STXBP4: variants seen among roughly 807,000 people sequenced by gnomAD.
STXBP4 encodes the protein syntaxin binding protein 4, also known as syntaxin-binding protein 4.
STXBP4 carries 55 observed loss-of-function variants against 76.1 expected under a neutral mutation model. The observed-to-expected ratio is 0.72, with a 90% CI of 0.58 to 0.91. The LOEUF is 0.91. STXBP4 is among the 40% of genes least tolerant of loss of function. The pLI, the probability that STXBP4 is intolerant of heterozygous loss-of-function variation, is 0.00. For synonymous variants in STXBP4, 201 were observed against 220.2 expected (o/e 0.91, Z 0.77); for missense variants, 618 against 636.9 (o/e 0.97, Z 0.32).
At chr17:55,096,780 G>A (rs2079492292) in intron 16 of STXBP4, among the ~76,000 whole-genome samples, 2 of 152,012 alleles carry the variant, frequency 1.3e-5, no homozygotes, top group South Asian at 4.2e-4. Context: ...AATGTTCCTA[G>A]GTAAAGACCT....
At position 55,014,204 on chromosome 17, in the gene STXBP4, T is replaced by C. The variant is rs373602624; in HGVS notation, c.666+6607T>C. On this transcript the variant is annotated intron_variant, in intron 8 of 17. Coordinates refer to ENST00000376352, the MANE Select transcript of STXBP4 (RefSeq NM_178509.6). ...TTAGGGGGAGGGAGGCAGAATCCTT[T>C]AGTTTAATTTGAACAGGATGGGCAT... 1.2e-4 allele frequency among the ~76,000 whole-genome samples: 18 copies of C among 152,278 alleles called. No individual in the cohort carries two copies. The South Asian group carries it at 2.3e-3, about 19-fold the overall frequency.
At chr17:55,048,276 A>G (rs2078816939) in intron 12 of STXBP4, among the ~76,000 whole-genome samples, 1 of 151,882 alleles carries the variant, frequency 6.6e-6, no homozygotes, top group African/African-American at 2.4e-5. Context: ...AGCAGAACAC[A>G]ACTTATTAAT....
intron 17 of STXBP4, among the ~76,000 whole-genome samples, chr17:55,156,979 T>C (rs1212608674): frequency 3.3e-5 from 5 of 152,156 alleles, no homozygotes; most frequent in Admixed American, 3.3e-4. Context: ...TATTTTAAAT[T>C]AGCAATTTAA....
At chr17:55,064,432 C>T (rs1352113024) in intron 12 of STXBP4, among the ~76,000 whole-genome samples, 2 of 152,140 alleles carry the variant, frequency 1.3e-5, no homozygotes, top group Admixed American at 6.5e-5. Context: ...GATCTCTTTA[C>T]ACTGTAGTTA....
At chr17:55,091,273 A>C (rs2079410357) in intron 16 of STXBP4, among the ~76,000 whole-genome samples, 1 of 152,180 alleles carries the variant, frequency 6.6e-6, no homozygotes, top group Non-Finnish European at 1.5e-5. Context: ...GAGCTTTTTA[A>C]ATATCCATTT....
downstream of STXBP4, among the ~76,000 whole-genome samples, chr17:55,176,623 TTA>T (rs1457077289): frequency 6.6e-6 from 1 of 152,192 alleles, no homozygotes; most frequent in East Asian, 1.9e-4. Flanking sequence ...ATCATTAATT[TTA>T]TGTGTCAGTT....
rs1017962390 is a variant in STXBP4, at chr17:55,172,289, C to G, written c.*12378C>G. ...AAAATTTACAAAGCCTAGCCAAACC[C>G]CAGACCCATTAACCCTGACTCTCTG... On this transcript the variant is annotated 3_prime_UTR_variant, in exon 18 of 18. Transcript: ENST00000376352. The G allele has an allele frequency of 4.6e-5, 7 of 152,210 alleles. No homozygotes were observed. Among genetic ancestry groups the G allele is most frequent in the African/African-American group, 1.7e-4 (7 of 41,428 alleles). The allele number at this position is 152,210 out of a possible 1,614,324, so 9.4% of individuals were successfully genotyped here.
intron 8 of STXBP4, among the ~76,000 whole-genome samples, chr17:55,016,800 C>T (rs2078215803): frequency 6.6e-6 from 1 of 152,146 alleles, no homozygotes; most frequent in African/African-American, 2.4e-5. Flanking sequence ...ACAGAATAGC[C>T]CCATACTTTA....
the STXBP4 span, among the ~76,000 whole-genome samples, chr17:55,183,359 G>A: frequency 2.0e-5 from 3 of 152,342 alleles, no homozygotes; most frequent in South Asian, 2.1e-4. Context: ...GCTGAGGTGG[G>A]AGGATTGCTT....
intron 8 of STXBP4, among the ~76,000 whole-genome samples, chr17:55,017,884 C>T (rs576154312): frequency 1.2e-3 from 178 of 152,186 alleles, no homozygotes; most frequent in African/African-American, 3.8e-3. Flanking sequence ...TTTAACTGGC[C>T]GACAGGTGCC....
chr17:55,034,304 A>G (rs1188124205), intron 10 of STXBP4, 45 bp downstream of exon 10: 1 of 1,379,308 alleles, frequency 7.3e-7, no homozygotes, highest in Non-Finnish European at 1.0e-6. Context: ...ATAAGTCACA[A>G]GTCTTGAATG....
At chr17:55,004,272 A>G (rs2077968503) in intron 7 of STXBP4, among the ~76,000 whole-genome samples, 1 of 152,194 alleles carries the variant, frequency 6.6e-6, no homozygotes. Context: ...CTTTAGACCA[A>G]GTCTTTTGAA....
rs2080390608 is a variant in STXBP4 at position 55,168,665 on chromosome 17, C to T, written c.*8754C>T. ...TATTAATTATGATATTTACAAAGCT[C>T]TGTACATTCAGAATTGAACTCTTTC... On this transcript the variant is annotated 3_prime_UTR_variant, in exon 18 of 18. Coordinates refer to ENST00000376352, the MANE Select transcript of STXBP4 (RefSeq NM_178509.6). The T allele has an allele frequency of 2.0e-5, 3 of 152,174 alleles. No homozygotes were observed. The South Asian group carries it at 6.2e-4, about 32-fold the overall frequency. The allele number at this position is 152,174 out of a possible 1,614,324, so 9.4% of individuals were successfully genotyped here.
intron 3 of STXBP4, among the ~76,000 whole-genome samples, chr17:54,988,101 A>C (rs1013640110): frequency 5.9e-5 from 9 of 152,226 alleles, no homozygotes; most frequent in Non-Finnish European, 1.0e-4. Flanking sequence ...AGAACTTTCA[A>C]CAACATAGAC....
chr17:55,093,223 C>T (rs1486607645), intron 16 of STXBP4, among the ~76,000 whole-genome samples: 1 of 152,072 alleles, frequency 6.6e-6, no homozygotes, highest in Non-Finnish European at 1.5e-5. Flanking sequence ...TGAACACACA[C>T]AAGTGATCTG....
At chr17:55,105,743 G>T (rs1374757375) in intron 16 of STXBP4, among the ~76,000 whole-genome samples, 1 of 151,998 alleles carries the variant, frequency 6.6e-6, no homozygotes, top group Non-Finnish European at 1.5e-5. Flanking sequence ...CTCCCAAAGT[G>T]CTGGGATTAC....
At chr17:55,084,624 T>G (rs1338305836) in intron 16 of STXBP4, among the ~76,000 whole-genome samples, 1 of 151,740 alleles carries the variant, frequency 6.6e-6, no homozygotes, top group Non-Finnish European at 1.5e-5. Flanking sequence ...GGTCTAACGT[T>G]TAAGTCTTTA....
At chr17:55,006,388 T>C (rs1177000485) in intron 7 of STXBP4, among the ~76,000 whole-genome samples, 1 of 152,178 alleles carries the variant, frequency 6.6e-6, no homozygotes, top group East Asian at 1.9e-4. Flanking sequence ...TGCATAAAGA[T>C]GTGACATTTT....
In STXBP4 at chr17:55,159,958, C is replaced by T. The variant is rs375419172; in HGVS notation, c.*47C>T. On this transcript the variant is annotated 3_prime_UTR_variant, in exon 18 of 18. Coordinates refer to ENST00000376352, the MANE Select transcript of STXBP4 (RefSeq NM_178509.6). ...GCTACATGGATGATGTGAGCAGAGACGCATAACATCCAATTCTGAGATGAA... is the reference window on the plus strand; with the variant it reads ...GCTACATGGATGATGTGAGCAGAGATGCATAACATCCAATTCTGAGATGAA... 2.6e-5 allele frequency: 30 copies of T among 1,171,890 alleles called. No homozygotes were observed. In the Middle Eastern group the frequency reaches 1.3e-3, roughly 53 times the overall value. 72.6% of individuals were successfully genotyped at this position (1,171,890 alleles called of 1,614,324 possible).
Sources: gnomAD v4.1 joint callset for allele counts (sites outside exome capture counted in the v4.1 genomes callset) on GRCh38, gnomAD v4.1.1 for gene constraint, MANE v1.5 for transcripts, NCBI Gene and HGNC (gene_info 2026-07-23, HGNC 2026-07-21) for gene names.